FOSL2: variants seen among roughly 807,000 people sequenced by gnomAD.
The protein encoded by FOSL2 is fos-related antigen 2.
In FOSL2, 3 loss-of-function variants were observed where a neutral mutation model predicts 27.7. That is an observed-to-expected ratio of 0.11 (90% CI 0.05 to 0.28). FOSL2 has a LOEUF of 0.28. Among genes scored for constraint, FOSL2 ranks in the 10% least tolerant of loss-of-function variants. The probability of loss-of-function intolerance (pLI) is 1.00; values close to 1 mark genes in which losing one functional copy is unlikely to be tolerated. For missense variants in FOSL2, 333 were observed against 445.1 expected (o/e 0.75, Z 2.27); for synonymous variants, 179 against 190.1 (o/e 0.94, Z 0.48).
chr2:28,410,920 G>A lies in FOSL2; in HGVS notation c.463-1010G>A, dbSNP rs190314396. 5.3e-3 allele frequency among the ~76,000 whole-genome samples: 800 copies of A among 152,278 alleles called. 5 individuals are homozygous for A. Among genetic ancestry groups the A allele is most frequent in the Non-Finnish European group, 7.9e-3 (535 of 68,006 alleles). ...TCCCAGCACTTTGGGAGGCTGAGGCGGGTGGATCACCTGAGGTCAGAAGTT... is the reference window on the plus strand; with the variant it reads ...TCCCAGCACTTTGGGAGGCTGAGGCAGGTGGATCACCTGAGGTCAGAAGTT... On this transcript the variant is annotated intron_variant, in intron 3 of 3. Coordinates refer to ENST00000264716, the MANE Select transcript of FOSL2 (RefSeq NM_005253.4).
chr2:28,396,468 C>T (rs1055148543), intron 1 of FOSL2, among the ~76,000 whole-genome samples: 1 of 125,082 alleles, frequency 8.0e-6, no homozygotes, highest in African/African-American at 2.6e-5. Context: ...TTTCTTTTTG[C>T]TGTTGTTTTT....
intron 1 of FOSL2, chr2:28,395,879 C>T (rs1359825059): frequency 1.3e-5 from 2 of 152,118 alleles, no homozygotes; most frequent in African/African-American, 2.4e-5. Context: ...GTCATTGCTC[C>T]AAGTGTGAAC....
At position 28,393,760 on chromosome 2, in the gene FOSL2, C is replaced by A. The variant is rs1175787115; in HGVS notation, c.40C>A (p.Arg14=). The A allele has an allele frequency of 6.2e-7, 1 of 1,610,176 alleles. No homozygotes were observed. The highest frequency in any genetic ancestry group is 1.1e-5 in the South Asian group (1 of 90,734). ...DYPGNFDTSS[R]GSSGSPAHAE... ...TCCCGGGAACTTTGACACCTCGTCC[C>A]GGGGCAGCAGCGGCTCTCCTGCGCA... The change falls in exon 1 of 4, where the codon CGG becomes AGG. Residue 14 remains arginine, a synonymous_variant. Transcript: ENST00000264716. This position sits in a 1 kb window ranked among gnomAD's most constrained non-coding sequence, Gnocchi z 4.6.
At position 28,392,898 on chromosome 2, in the gene FOSL2, AACC is replaced by A. The variant is rs1663701411; in HGVS notation, c.-821_-819del. On this transcript the variant is annotated 5_prime_UTR_variant, in exon 1 of 4. Coordinates refer to ENST00000264716, the MANE Select transcript of FOSL2 (RefSeq NM_005253.4). ...GGGCAGAGCGCTAGGGCTCCGAGCGAACCAGCGAGCGAGCGAACGAGCGGCGCT... is the reference window on the plus strand; with the variant it reads ...GGGCAGAGCGCTAGGGCTCCGAGCGAAGCGAGCGAGCGAACGAGCGGCGCT... 1.4e-6 allele frequency: 1 copy of A among 714,304 alleles called. No individual in the cohort carries two copies. Among genetic ancestry groups the A allele is most frequent in the South Asian group, 1.5e-5 (1 of 67,446 alleles). The allele number at this position is 714,304 out of a possible 1,614,324, so 44.2% of individuals were successfully genotyped here. A position where few individuals can be genotyped will look rare whatever the true frequency, so the allele number is the denominator to read the frequency against.
In FOSL2 at chr2:28,404,014, C is replaced by T. The variant is rs1477560087; in HGVS notation, c.103-93C>T. 2 of 1,467,942 alleles carry T rather than the reference C, an allele frequency of 1.4e-6. No individual in the cohort carries two copies. Among genetic ancestry groups the T allele is most frequent in the East Asian group, 2.3e-5 (1 of 44,024 alleles). The allele number at this position is 1,467,942 out of a possible 1,614,324, so 90.9% of individuals were successfully genotyped here. A position where few individuals can be genotyped will look rare whatever the true frequency, so the allele number is the denominator to read the frequency against. On this transcript the variant is annotated intron_variant, in intron 1 of 3. Transcript: ENST00000264716. This position sits in a 1 kb window ranked among gnomAD's most constrained non-coding sequence, Gnocchi z 4.7. ...CTTCGAACACTGACTGTGCTCTGTG[C>T]TGGTTTTTGCCTCAGCTCTGTTCAA...
At chr2:28,410,454 T>C (rs1317187075) in intron 3 of FOSL2, 1 of 433,098 alleles carries the variant, frequency 2.3e-6, no homozygotes, top group Non-Finnish European at 2.7e-6. Context: ...CCCAGGCCCC[T>C]GAGCCACATC....
intron 1 of FOSL2, among the ~76,000 whole-genome samples, chr2:28,400,456 T>C (rs1459169918): frequency 6.6e-6 from 1 of 151,892 alleles, no homozygotes; most frequent in African/African-American, 2.4e-5. Context: ...CGTTTCTGAA[T>C]AACATGCTGG....
intron 2 of FOSL2, among the ~76,000 whole-genome samples, chr2:28,405,091 C>T (rs781127736): frequency 9.2e-5 from 14 of 152,174 alleles, no homozygotes; most frequent in Admixed American, 3.3e-4. Context: ...GCTATTTAGG[C>T]AGCACCTACC....
chr2:28,400,965 G>A (rs193018408), intron 1 of FOSL2, among the ~76,000 whole-genome samples: 1 of 152,318 alleles, frequency 6.6e-6, no homozygotes, highest in East Asian at 1.9e-4. Context: ...TAAAAGGAAA[G>A]CTGACAGCTT....
Position 28,412,963 on chromosome 2 carries a change from A to C in FOSL2, c.*515A>C. 6.3e-6 allele frequency: 1 copy of C among 159,026 alleles called. No homozygotes were observed. Among genetic ancestry groups the C allele is most frequent in the Admixed American group, 6.3e-5 (1 of 15,932 alleles). The allele number at this position is 159,026 out of a possible 1,614,324, so 9.9% of individuals were successfully genotyped here. A position where few individuals can be genotyped will look rare whatever the true frequency, so the allele number is the denominator to read the frequency against. On this transcript the variant is annotated 3_prime_UTR_variant, in exon 4 of 4. Transcript: ENST00000264716. This position sits in a 1 kb window ranked among gnomAD's most constrained non-coding sequence, Gnocchi z 7.1. Reference sequence around the variant, plus strand: ...GGTGGTCTGAATATTAAAGCTCTTCATTTCTGGAGATGGGGCAGCAGGTGG... The same window carrying C: ...GGTGGTCTGAATATTAAAGCTCTTCCTTTCTGGAGATGGGGCAGCAGGTGG...
rs374763277 is a variant in FOSL2, at chr2:28,412,475, G to A, written c.*27G>A. ...CCAGTGCACCTCCCTCCCCAGCTCC[G>A]GAGGGGGTCCTCCTCGCTCCTCCTT... On this transcript the variant is annotated 3_prime_UTR_variant, in exon 4 of 4. Coordinates refer to ENST00000264716, the MANE Select transcript of FOSL2 (RefSeq NM_005253.4). The surrounding 1 kb of genome is among the most constrained non-coding windows in gnomAD (Gnocchi z 7.1). 4.7e-4 allele frequency: 746 copies of A among 1,586,512 alleles called. 5 individuals are homozygous for A. The South Asian group carries it at 7.1e-3, about 15-fold the overall frequency.
intron 3 of FOSL2, among the ~76,000 whole-genome samples, chr2:28,410,320 TC>T (rs1361676830): frequency 1.3e-5 from 2 of 151,954 alleles, no homozygotes; most frequent in Non-Finnish European, 2.9e-5. Context: ...CATGTGGCGC[TC>T]CTCACCACCC....
chr2:28,415,916 TCTC>T lies in FOSL2; in HGVS notation c.*3471_*3473del, dbSNP rs916658924. 2 of 152,100 alleles carry T rather than the reference TCTC, an allele frequency of 1.3e-5. No homozygotes were observed. The highest frequency in any genetic ancestry group is 4.8e-5 in the African/African-American group (2 of 41,412). 9.4% of individuals were successfully genotyped at this position (152,100 alleles called of 1,614,324 possible). A position where few individuals can be genotyped will look rare whatever the true frequency, so the allele number is the denominator to read the frequency against. On this transcript the variant is annotated 3_prime_UTR_variant, in exon 4 of 4. Transcript: ENST00000264716. The stretch of plus-strand genomic sequence containing the variant: ...CTACAATATTCTCCCACTCCATACT[TCTC>T]CTTCTACCCCACCATGTGCTCCCGT...
chr2:28,399,203 T>TGGCCAAGGGGCTG (rs1663921146), intron 1 of FOSL2, among the ~76,000 whole-genome samples: 1 of 152,350 alleles, frequency 6.6e-6, no homozygotes, highest in South Asian at 2.1e-4. Flanking sequence ...GAGAATCGCC[T>TGGCCAAGGGGCTG]GGCCAAGGGG....
Position 28,404,365 on chromosome 2 carries a change from C to G in FOSL2, c.354+7C>G. The G allele has an allele frequency of 6.2e-7, 1 of 1,610,546 alleles. No individual in the cohort carries two copies. The highest frequency in any genetic ancestry group is 8.5e-7 in the Non-Finnish European group (1 of 1,177,502). On this transcript the variant is annotated splice_region_variant and intron_variant, in intron 2 of 3. Coordinates refer to ENST00000264716, the MANE Select transcript of FOSL2 (RefSeq NM_005253.4). The surrounding 1 kb of genome is among the most constrained non-coding windows in gnomAD (Gnocchi z 4.7). The stretch of plus-strand genomic sequence containing the variant: ...CAGGAGGAGAGATGAGCAGGTACAG[C>G]TCAGACCAGTGGGAAGGAGCCACGT...
intron 1 of FOSL2, chr2:28,396,819 C>CAA: frequency 6.7e-6 from 1 of 149,050 alleles, no homozygotes; most frequent in African/African-American, 2.6e-5. Flanking sequence ...CACACACACA[C>CAA]ACACACACAC....
chr2:28,414,381 T>G lies in FOSL2; in HGVS notation c.*1933T>G, dbSNP rs1339571756. ...AGAAAAAGGATTTTGTTTAAAATACTTTAAAAATGTTATTTCCTGCATCCC... is the reference window on the plus strand; with the variant it reads ...AGAAAAAGGATTTTGTTTAAAATACGTTAAAAATGTTATTTCCTGCATCCC... On this transcript the variant is annotated 3_prime_UTR_variant, in exon 4 of 4. Transcript: ENST00000264716. 2 of 152,248 alleles carry G rather than the reference T, an allele frequency of 1.3e-5. No individual in the cohort carries two copies. The highest frequency in any genetic ancestry group is 4.8e-5 in the African/African-American group (2 of 41,460). 9.4% of individuals were successfully genotyped at this position (152,248 alleles called of 1,614,324 possible).
chr2:28,394,885 A>G (rs1242323588), intron 1 of FOSL2, among the ~76,000 whole-genome samples: 1 of 152,178 alleles, frequency 6.6e-6, no homozygotes, highest in East Asian at 1.9e-4. Flanking sequence ...AGGGATGCTC[A>G]TGCTCCATAA....
In FOSL2 at chr2:28,416,414, T is replaced by A. The variant is rs938902456; in HGVS notation, c.*3966T>A. 6.6e-5 allele frequency: 10 copies of A among 151,894 alleles called. No homozygotes were observed. The highest frequency in any genetic ancestry group is 4.4e-5 in the Non-Finnish European group (3 of 68,016). The allele number at this position is 151,894 out of a possible 1,614,324, so 9.4% of individuals were successfully genotyped here. ...TTCTTTATGTTGTATCAAGCCTGAA[T>A]AGAAACTGATAGCATTAAAATACTC... On this transcript the variant is annotated 3_prime_UTR_variant, in exon 4 of 4. Coordinates refer to ENST00000264716, the MANE Select transcript of FOSL2 (RefSeq NM_005253.4).
Sources: gnomAD v4.1 joint callset for allele counts (sites outside exome capture counted in the v4.1 genomes callset) on GRCh38, gnomAD v4.1.1 for gene constraint, Gnocchi (gnomAD v3.1) non-coding constraint, MANE v1.5 for transcripts, NCBI Gene and HGNC (gene_info 2026-07-23, HGNC 2026-07-21) for gene names.